The following PAPOLA variants were observed in gnomAD, a reference collection of about 807,000 sequenced individuals.
PAPOLA encodes poly(A) polymerase alpha.
PAPOLA carries 15 observed loss-of-function variants against 100.6 expected under a neutral mutation model. The observed-to-expected ratio is 0.15, with a 90% CI of 0.10 to 0.23. The LOEUF (loss-of-function observed/expected upper bound fraction) is 0.23. Among genes scored for constraint, PAPOLA ranks in the 10% least tolerant of loss-of-function variants. The pLI, the probability that PAPOLA is intolerant of heterozygous loss-of-function variation, is 1.00. For missense variants in PAPOLA, 533 were observed against 884.2 expected (o/e 0.60, Z 5.04); for synonymous variants, 293 against 300.0 (o/e 0.98, Z 0.24).
intron 17 of PAPOLA, chr14:96,552,884 AT>A: frequency 2.5e-6 from 1 of 402,812 alleles, no homozygotes; most frequent in Non-Finnish European, 4.5e-6. Flanking sequence ...CTCCAAATTC[AT>A]GTATTTAGAT....
Position 96,565,789 on chromosome 14 carries a change from G to C in PAPOLA, c.*739G>C. 2.5e-6 allele frequency: 1 copy of C among 398,230 alleles called. No individual in the cohort carries two copies. The highest frequency in any genetic ancestry group is 3.6e-5 in the East Asian group (1 of 28,070). 24.7% of individuals were successfully genotyped at this position (398,230 alleles called of 1,614,324 possible). On this transcript the variant is annotated 3_prime_UTR_variant, in exon 22 of 22. Transcript: ENST00000216277. ...AATATTTTTCTTTGAGCTTGTGAAAGCTCTGTGTTCTTTTGCCTTCAATCT... is the reference window on the plus strand; with the variant it reads ...AATATTTTTCTTTGAGCTTGTGAAACCTCTGTGTTCTTTTGCCTTCAATCT...
At chr14:96,538,474 A>G (rs1396240331) in intron 12 of PAPOLA, among the ~76,000 whole-genome samples, 1 of 152,000 alleles carries the variant, frequency 6.6e-6, no homozygotes, top group Admixed American at 6.6e-5. Flanking sequence ...TCCTTGCTGG[A>G]TAGTACCTGT....
chr14:96,563,339 C>G (rs1902019060), intron 21 of PAPOLA, among the ~76,000 whole-genome samples: 1 of 152,038 alleles, frequency 6.6e-6, no homozygotes, highest in African/African-American at 2.4e-5. Context: ...TTAATATAGC[C>G]CATAGCTCTT....
At chr14:96,520,688 T>A (rs929734626) in intron 2 of PAPOLA, among the ~76,000 whole-genome samples, 4 of 152,210 alleles carry the variant, frequency 2.6e-5, no homozygotes, top group African/African-American at 7.2e-5. Flanking sequence ...CATAGAGTTC[T>A]CTTCCCTTAA....
chr14:96,561,063 C>G (rs1901802852), intron 20 of PAPOLA, among the ~76,000 whole-genome samples: 1 of 152,162 alleles, frequency 6.6e-6, no homozygotes, highest in South Asian at 2.1e-4. Context: ...AAAGAAGTAG[C>G]ATTTGAAGTG....
At chr14:96,513,556 T>C (rs1897243779) in intron 1 of PAPOLA, among the ~76,000 whole-genome samples, 2 of 152,212 alleles carry the variant, frequency 1.3e-5, no homozygotes, top group Admixed American at 1.3e-4. Context: ...TTGATAAATA[T>C]CATATTGCCT....
intron 15 of PAPOLA, 194 bp from the exon 16 acceptor site, chr14:96,547,603 T>C: frequency 2.2e-6 from 1 of 451,628 alleles, no homozygotes; most frequent in Non-Finnish European, 4.0e-6. Flanking sequence ...TGTGCTTTTA[T>C]TCAGCTCATC....
At chr14:96,552,675 G>C in intron 17 of PAPOLA, 53 bp downstream of exon 17, 4 of 1,474,696 alleles carry the variant, frequency 2.7e-6, no homozygotes, top group Non-Finnish European at 3.7e-6. Context: ...AAATCAATCA[G>C]ATACATTCTC....
chr14:96,538,311 C>T (rs79516790), intron 12 of PAPOLA, among the ~76,000 whole-genome samples: 10,139 of 151,926 alleles, frequency 0.067, 480 homozygotes, highest in Non-Finnish European at 0.1. Flanking sequence ...AGGACTGTGA[C>T]GGGGCTTCTT....
intron 9 of PAPOLA, chr14:96,534,264 GT>G: frequency 1.5e-6 from 2 of 1,340,672 alleles, no homozygotes; most frequent in East Asian, 2.8e-5. Context: ...GGCAGAGAAC[GT>G]TTTTGGTTTC....
chr14:96,557,005 G>A (rs1901395787), intron 19 of PAPOLA, among the ~76,000 whole-genome samples: 1 of 151,920 alleles, frequency 6.6e-6, no homozygotes, highest in African/African-American at 2.4e-5. Flanking sequence ...TGCCTCCCAG[G>A]TAGCTAGACC....
chr14:96,536,855 CTATA>C (rs1899581178), intron 11 of PAPOLA, 117 bp from the exon 12 acceptor site: 2 of 624,074 alleles, frequency 3.2e-6, no homozygotes, highest in South Asian at 2.0e-5. Context: ...TAAGCTAAAA[CTATA>C]TATGTTAAAA....
chr14:96,511,214 G>T (rs1009534763), intron 1 of PAPOLA, among the ~76,000 whole-genome samples: 1 of 152,148 alleles, frequency 6.6e-6, no homozygotes, highest in Non-Finnish European at 1.5e-5. Flanking sequence ...TGTTCCAAAT[G>T]CCTAATATCA....
intron 12 of PAPOLA, among the ~76,000 whole-genome samples, chr14:96,540,022 A>G (rs915018888): frequency 6.6e-5 from 10 of 152,082 alleles, no homozygotes; most frequent in Non-Finnish European, 1.5e-4. Context: ...TTCTACCTAT[A>G]TGTGAATGTG....
At chr14:96,519,672 G>A (rs994452867) in intron 1 of PAPOLA, among the ~76,000 whole-genome samples, 1 of 152,148 alleles carries the variant, frequency 6.6e-6, no homozygotes, top group African/African-American at 2.4e-5. Context: ...CAGATGCCAG[G>A]TTTCATTTGG....
At chr14:96,550,380 C>T (rs1024264822) in intron 16 of PAPOLA, among the ~76,000 whole-genome samples, 4 of 151,966 alleles carry the variant, frequency 2.6e-5, no homozygotes, top group African/African-American at 9.7e-5. Flanking sequence ...TATTTGGAAC[C>T]ATCTTGTGTA....
rs149241261 is a variant in PAPOLA at position 96,550,787 on chromosome 14, C to G, written c.1522-1693C>G. On this transcript the variant is annotated intron_variant, in intron 16 of 21. Transcript: ENST00000216277. ...CTAAGTTTGCATTAGTAAAATAGCA[C>G]TTTCTTGCTTAATAACAAGTGTCTA... Among the ~76,000 whole-genome samples, 759 of 152,276 alleles carry G rather than the reference C, an allele frequency of 5.0e-3. 2 individuals carry two copies. Among genetic ancestry groups the G allele is most frequent in the Non-Finnish European group, 6.1e-3 (413 of 68,010 alleles).
At chr14:96,514,621 T>C (rs1413671863) in intron 1 of PAPOLA, among the ~76,000 whole-genome samples, 1 of 152,246 alleles carries the variant, frequency 6.6e-6, no homozygotes, top group African/African-American at 2.4e-5. Context: ...AAAATGTCAC[T>C]ATTCTTTCTA....
intron 15 of PAPOLA, among the ~76,000 whole-genome samples, chr14:96,546,801 A>C (rs112902436): frequency 0.021 from 3,145 of 152,250 alleles, 51 homozygotes; most frequent in Non-Finnish European, 0.03. Context: ...GGAGTTGCAC[A>C]TAAGGGATTA....
Sources: gnomAD v4.1 joint callset for allele counts (sites outside exome capture counted in the v4.1 genomes callset) on GRCh38, gnomAD v4.1.1 for gene constraint, MANE v1.5 for transcripts, NCBI Gene and HGNC (gene_info 2026-07-23, HGNC 2026-07-21) for gene names.